Variants in BMAL1 observed in about 807,000 individuals in gnomAD.
BMAL1 encodes basic helix-loop-helix ARNT like 1, also known as basic helix-loop-helix ARNT-like protein 1.
chr11:13,333,767 G>C, the BMAL1 span, among the ~76,000 whole-genome samples: 1 of 152,184 alleles, frequency 6.6e-6, no homozygotes, highest in Non-Finnish European at 1.5e-5. Flanking sequence ...TCTGACCGCA[G>C]ATCTGCCTTT....
At chr11:13,380,944 G>A in the BMAL1 span, 26 of 522,630 alleles carry the variant, frequency 5.0e-5, no homozygotes, top group East Asian at 1.2e-4. Flanking sequence ...CAGCCACACC[G>A]ATTCGTATCT....
chr11:13,376,904 T>C, the BMAL1 span: 1 of 601,818 alleles, frequency 1.7e-6, no homozygotes. Context: ...CATGTCACTT[T>C]CTCTGTTGAG....
At chr11:13,322,464 C>T in the BMAL1 span, among the ~76,000 whole-genome samples, 1 of 152,128 alleles carries the variant, frequency 6.6e-6, no homozygotes, top group Non-Finnish European at 1.5e-5. Context: ...CTTTTTTCCC[C>T]CTTGCAGACA....
chr11:13,304,477 G>C, the BMAL1 span, among the ~76,000 whole-genome samples: 2 of 152,200 alleles, frequency 1.3e-5, no homozygotes, highest in Non-Finnish European at 2.9e-5. Context: ...AAGGATATCT[G>C]AGTGTTCTCT....
At chr11:13,346,761 T>C in the BMAL1 span, among the ~76,000 whole-genome samples, 1 of 152,280 alleles carries the variant, frequency 6.6e-6, no homozygotes, top group East Asian at 1.9e-4. Context: ...TTTGGGACTC[T>C]CTAGCTTGGA....
the BMAL1 span, among the ~76,000 whole-genome samples, chr11:13,315,504 C>T: frequency 6.6e-6 from 1 of 152,138 alleles, no homozygotes; most frequent in Non-Finnish European, 1.5e-5. Flanking sequence ...CATCATTGTC[C>T]CAAAGACACT....
At chr11:13,382,507 C>T in the BMAL1 span, among the ~76,000 whole-genome samples, 2 of 152,064 alleles carry the variant, frequency 1.3e-5, no homozygotes, top group Admixed American at 6.6e-5. Flanking sequence ...CCGTGACCCC[C>T]GCCCCCCTGC....
the BMAL1 span, among the ~76,000 whole-genome samples, chr11:13,377,487 A>T: frequency 6.6e-6 from 1 of 151,978 alleles, no homozygotes; most frequent in African/African-American, 2.4e-5. Context: ...CACCCTCCTC[A>T]TCTGCTGCCT....
chr11:13,321,520 C>T, the BMAL1 span, among the ~76,000 whole-genome samples: 38 of 152,048 alleles, frequency 2.5e-4, 1 homozygote, highest in Non-Finnish European at 1.5e-5. Context: ...CTCTTTGCTG[C>T]CTTGCTTGGG....
At chr11:13,347,841 C>G in the BMAL1 span, among the ~76,000 whole-genome samples, 1 of 152,170 alleles carries the variant, frequency 6.6e-6, no homozygotes, top group Non-Finnish European at 1.5e-5. Flanking sequence ...CAGAGCAAGA[C>G]TGTCTCAAAA....
the BMAL1 span, among the ~76,000 whole-genome samples, chr11:13,333,011 G>T: frequency 2.1e-4 from 32 of 151,356 alleles, no homozygotes; most frequent in African/African-American, 6.6e-4. Flanking sequence ...CTGTCGCCCA[G>T]GCTGGAGTGC....
At chr11:13,324,722 A>G in the BMAL1 span, among the ~76,000 whole-genome samples, 1 of 152,244 alleles carries the variant, frequency 6.6e-6, no homozygotes, top group Non-Finnish European at 1.5e-5. Flanking sequence ...TCTAGGGCCT[A>G]AAACAGAGCC....
the BMAL1 span, among the ~76,000 whole-genome samples, chr11:13,385,286 A>G: frequency 6.6e-6 from 1 of 152,332 alleles, no homozygotes; most frequent in Non-Finnish European, 1.5e-5. Flanking sequence ...GTGTCTCTTC[A>G]CAGCTTGTTA....
chr11:13,376,542 C>A, the BMAL1 span: 1 of 1,121,490 alleles, frequency 8.9e-7, no homozygotes, highest in Non-Finnish European at 1.4e-6. Context: ...CTGGCCTGTC[C>A]AGGTCCAGAG....
At chr11:13,342,460 A>T in the BMAL1 span, among the ~76,000 whole-genome samples, 2 of 152,132 alleles carry the variant, frequency 1.3e-5, no homozygotes, top group African/African-American at 4.8e-5. Context: ...AGTGTGCCCC[A>T]TGGAACCCTT....
At chr11:13,306,455 T>A in the BMAL1 span, among the ~76,000 whole-genome samples, 6 of 152,156 alleles carry the variant, frequency 3.9e-5, no homozygotes, top group African/African-American at 1.2e-4. Context: ...GGTTCTGAGA[T>A]AACAGAGACA....
the BMAL1 span, among the ~76,000 whole-genome samples, chr11:13,301,331 A>G: frequency 2.6e-5 from 4 of 152,200 alleles, no homozygotes; most frequent in Non-Finnish European, 5.9e-5. Flanking sequence ...TGTTTACACT[A>G]TATAAGGTTG....
At chr11:13,339,243 C>A in the BMAL1 span, among the ~76,000 whole-genome samples, 1 of 152,104 alleles carries the variant, frequency 6.6e-6, no homozygotes. Flanking sequence ...TTTTTGTCAC[C>A]CTGCCGTGGC....
the BMAL1 span, among the ~76,000 whole-genome samples, chr11:13,323,417 CAG>C: frequency 6.6e-6 from 1 of 152,134 alleles, no homozygotes; most frequent in Admixed American, 6.5e-5. Context: ...CATAACTAAA[CAG>C]AAGTCTTGAT....
Sources: allele counts gnomAD v4.1 joint callset (sites outside exome capture counted in the v4.1 genomes callset), GRCh38; gene constraint gnomAD v4.1.1; transcripts MANE v1.5; gene names NCBI Gene and HGNC (gene_info 2026-07-23, HGNC 2026-07-21).